Variants in NDST4 observed in about 807,000 individuals in gnomAD.
The protein encoded by NDST4 is N-deacetylase and N-sulfotransferase 4.
NDST4 carries 63 observed loss-of-function variants against 100.8 expected under a neutral mutation model. The observed-to-expected ratio is 0.62, with a 90% confidence interval of 0.51 to 0.77. The LOEUF (loss-of-function observed/expected upper bound fraction) is 0.77. Ranked by LOEUF, NDST4 falls within the 30% of genes least tolerant of loss-of-function variation. The pLI is 0.00. For missense variants in NDST4, 943 were observed against 1,018.4 expected (o/e 0.93, Z 1.01); for synonymous variants, 377 against 361.8 (o/e 1.04, Z -0.48).
intron 7 of NDST4, among the ~76,000 whole-genome samples, chr4:114,856,933 G>T (rs1578346585): frequency 6.6e-6 from 1 of 152,204 alleles, no homozygotes; most frequent in East Asian, 1.9e-4. Context: ...CTACTGCTAA[G>T]AGGTAGCACA....
At chr4:115,051,417 C>T (rs1728581062) in intron 2 of NDST4, among the ~76,000 whole-genome samples, 1 of 151,894 alleles carries the variant, frequency 6.6e-6, no homozygotes, top group South Asian at 2.1e-4. Flanking sequence ...TTTTCCCATC[C>T]TTTCTATCCT....
chr4:114,976,036 T>C (rs1046371635), intron 3 of NDST4, among the ~76,000 whole-genome samples: 5 of 152,052 alleles, frequency 3.3e-5, no homozygotes, highest in African/African-American at 1.2e-4. Flanking sequence ...TCTATTACTT[T>C]AAGCAGGTTT....
Position 114,965,848 on chromosome 4 carries a change from T to C in NDST4, c.1221+4582A>G, listed in dbSNP as rs1349553315. Among the ~76,000 whole-genome samples the C allele has an allele frequency of 4.6e-5, 7 of 152,034 alleles. No individual in the cohort carries two copies. The South Asian group carries it at 8.3e-4, about 18-fold the overall frequency. On this transcript the variant is annotated intron_variant, in intron 4 of 13. Coordinates refer to ENST00000264363, the MANE Select transcript of NDST4 (RefSeq NM_022569.3). ...CACTTTTCTTTCTATGGCTGGAAAA[T>C]AGCTGTAGGTTAAATTGGGAATAAG...
At chr4:115,046,955 G>C (rs1004386591) in intron 2 of NDST4, among the ~76,000 whole-genome samples, 1 of 151,930 alleles carries the variant, frequency 6.6e-6, no homozygotes, top group South Asian at 2.1e-4. Flanking sequence ...TTCATCCCAA[G>C]AACACTTTAA....
intron 2 of NDST4, among the ~76,000 whole-genome samples, chr4:115,060,840 A>G (rs1728804151): frequency 6.6e-6 from 1 of 152,042 alleles, no homozygotes; most frequent in Admixed American, 6.6e-5. Context: ...ATAATTGTTT[A>G]AATTACACAA....
chr4:115,088,586 G>T (rs182968929), intron 1 of NDST4, among the ~76,000 whole-genome samples: 1 of 151,890 alleles, frequency 6.6e-6, no homozygotes, highest in Non-Finnish European at 1.5e-5. Context: ...GTATCATTTT[G>T]TTAAGAAGTT....
At chr4:115,060,700 T>A (rs1412328301) in intron 2 of NDST4, among the ~76,000 whole-genome samples, 1 of 151,900 alleles carries the variant, frequency 6.6e-6, no homozygotes, top group Non-Finnish European at 1.5e-5. Context: ...TAATGATACC[T>A]TTTTTTCTAG....
intron 2 of NDST4, among the ~76,000 whole-genome samples, chr4:115,020,261 C>G (rs1560862672): frequency 6.6e-6 from 1 of 152,026 alleles, no homozygotes; most frequent in African/African-American, 2.4e-5. Flanking sequence ...CAATCAAAGT[C>G]TAAGATGGAA....
intron 6 of NDST4, among the ~76,000 whole-genome samples, chr4:114,908,673 G>T (rs1024298800): frequency 1.3e-5 from 2 of 152,056 alleles, no homozygotes; most frequent in South Asian, 4.1e-4. Context: ...AATTTTCCTC[G>T]CTTGTCTCAG....
In NDST4 at chr4:115,034,834, T is replaced by C. The variant is rs1345691204; in HGVS notation, c.978+41225A>G. ...TCTTTAAGATGCATGACTATTTCAA[T>C]AGGTGTCTTTATTTCAAGGATTTAT... On this transcript the variant is annotated intron_variant, in intron 2 of 13. Coordinates refer to ENST00000264363, the MANE Select transcript of NDST4 (RefSeq NM_022569.3). Among the ~76,000 whole-genome samples, 7 of 152,272 alleles carry C rather than the reference T, an allele frequency of 4.6e-5. No homozygotes were observed. In the East Asian group the frequency reaches 1.4e-3, roughly 29 times the overall value.
At chr4:114,878,979 C>A (rs1416888081) in intron 6 of NDST4, among the ~76,000 whole-genome samples, 3 of 151,898 alleles carry the variant, frequency 2.0e-5, no homozygotes, top group East Asian at 1.9e-4. Flanking sequence ...AAATGACTAA[C>A]TTTGATACCT....
At chr4:114,880,470 C>A (rs1317275298) in intron 6 of NDST4, among the ~76,000 whole-genome samples, 1 of 152,046 alleles carries the variant, frequency 6.6e-6, no homozygotes, top group Non-Finnish European at 1.5e-5. Flanking sequence ...TTCATAACCC[C>A]AGGAATAATC....
chr4:114,881,057 C>A (rs1270608811), intron 6 of NDST4, among the ~76,000 whole-genome samples: 1 of 152,058 alleles, frequency 6.6e-6, no homozygotes, highest in Non-Finnish European at 1.5e-5. Flanking sequence ...TCATATAAAT[C>A]TTTTAAACTG....
intron 3 of NDST4, among the ~76,000 whole-genome samples, chr4:114,973,619 T>C (rs1726565073): frequency 6.6e-6 from 1 of 151,958 alleles, no homozygotes. Context: ...TTCTTTACTA[T>C]CACTTTTGGA....
chr4:115,047,989 G>A (rs994492752), intron 2 of NDST4, among the ~76,000 whole-genome samples: 7 of 151,874 alleles, frequency 4.6e-5, no homozygotes, highest in South Asian at 2.1e-4. Context: ...ATGCAGTGTC[G>A]TTATTTGATA....
chr4:114,868,065 T>C (rs577672880), intron 7 of NDST4, among the ~76,000 whole-genome samples: 17 of 152,308 alleles, frequency 1.1e-4, no homozygotes, highest in African/African-American at 4.1e-4. Flanking sequence ...GTGAATATTA[T>C]CATTTTTCAC....
intron 2 of NDST4, among the ~76,000 whole-genome samples, chr4:115,004,467 C>T (rs1212946100): frequency 1.3e-5 from 2 of 152,086 alleles, no homozygotes; most frequent in African/African-American, 4.8e-5. Context: ...TACTTTATTT[C>T]CCAAGTCTTA....
chr4:114,925,629 T>G (rs1725371959), intron 6 of NDST4, among the ~76,000 whole-genome samples: 1 of 152,168 alleles, frequency 6.6e-6, no homozygotes, highest in South Asian at 2.1e-4. Flanking sequence ...TACTCTACTG[T>G]CAATTTCAAG....
chr4:114,916,125 T>G (rs964995961), intron 6 of NDST4, among the ~76,000 whole-genome samples: 1 of 152,150 alleles, frequency 6.6e-6, no homozygotes, highest in African/African-American at 2.4e-5. Flanking sequence ...GACAGTTTTT[T>G]GAAAGTTCTA....
Sources: gnomAD v4.1 joint callset for allele counts (sites outside exome capture counted in the v4.1 genomes callset) on GRCh38, gnomAD v4.1.1 for gene constraint, MANE v1.5 for transcripts, NCBI Gene and HGNC (gene_info 2026-07-23, HGNC 2026-07-21) for gene names.